Variants in NR5A2 observed in about 807,000 individuals in gnomAD.
NR5A2 encodes the protein CYP7A promoter-binding factor.
Under a neutral mutation model 62.7 loss-of-function variants are expected in NR5A2, and 26 were observed. The observed-to-expected ratio is 0.41, with a 90% confidence interval of 0.30 to 0.58. The LOEUF is 0.58. NR5A2 is among the 20% of genes least tolerant of loss of function. The pLI is 0.22. For missense variants in NR5A2, 541 were observed against 669.1 expected (o/e 0.81, Z 2.11); for synonymous variants, 246 against 241.7 (o/e 1.02, Z -0.16).
chr1:200,175,595 G>C lies in NR5A2; in HGVS notation c.*1385G>C, dbSNP rs1388197363. ...TGGATCAACATTTGTTTAAAATAAA[G>C]TATTAATACTTTAAAGTCAAATAAG... is the stretch of plus-strand genomic sequence containing the variant. On this transcript the variant is annotated 3_prime_UTR_variant, in exon 8 of 8. Coordinates refer to ENST00000367362, the MANE Select transcript of NR5A2 (RefSeq NM_205860.3). 1 of 152,640 alleles carries C rather than the reference G, an allele frequency of 6.6e-6. No individual in the cohort carries two copies. The highest frequency in any genetic ancestry group is 1.5e-5 in the Non-Finnish European group (1 of 68,038). 9.5% of individuals were successfully genotyped at this position (152,640 alleles called of 1,614,324 possible).
Position 200,039,580 on chromosome 1 carries a change from A to G in NR5A2, c.65-78A>G. The G allele has an allele frequency of 6.3e-7, 1 of 1,586,034 alleles. No individual in the cohort carries two copies. Among genetic ancestry groups the G allele is most frequent in the Non-Finnish European group, 8.6e-7 (1 of 1,164,284 alleles). On this transcript the variant is annotated intron_variant, in intron 1 of 7. Coordinates refer to ENST00000367362, the MANE Select transcript of NR5A2 (RefSeq NM_205860.3). This position sits in a 1 kb window ranked among gnomAD's most constrained non-coding sequence, Gnocchi z 5.1. ...GGCGGAGGCACGCTCCGGCGAGGCG[A>G]GAGGGTTGGGTTAGCAGGCATCCCG...
chr1:200,135,075 T>C lies in NR5A2; in HGVS notation c.1378+14120T>C, dbSNP rs182563358. ...CATTGAAAGTTTAGTGATTTTATAA[T>C]ACAAAATGTGACTGGACTCAGCATG... On this transcript the variant is annotated intron_variant, in intron 7 of 7. Coordinates refer to ENST00000367362, the MANE Select transcript of NR5A2 (RefSeq NM_205860.3). Among the ~76,000 whole-genome samples the C allele has an allele frequency of 2.4e-4, 36 of 152,336 alleles. No homozygotes were observed. In the East Asian group the frequency reaches 4.8e-3, roughly 20 times the overall value.
At chr1:200,066,588 CTT>C (rs756874909) in intron 5 of NR5A2, among the ~76,000 whole-genome samples, 17 of 113,104 alleles carry the variant, frequency 1.5e-4, no homozygotes, top group Admixed American at 4.6e-4. Context: ...AATTAATTAT[CTT>C]TTTTTTTTTT....
intron 4 of NR5A2, among the ~76,000 whole-genome samples, chr1:200,046,793 A>AT (rs1662386592): frequency 6.6e-6 from 1 of 152,198 alleles, no homozygotes; most frequent in Admixed American, 6.5e-5. Context: ...AAATGTTGTG[A>AT]TTTTGCATGA....
intron 5 of NR5A2, among the ~76,000 whole-genome samples, chr1:200,051,934 A>T (rs1202914309): frequency 6.6e-6 from 1 of 152,168 alleles, no homozygotes. Flanking sequence ...ACACACAGAG[A>T]TGCACAAACA....
chr1:200,034,887 A>G (rs944131355), intron 1 of NR5A2, among the ~76,000 whole-genome samples: 1 of 142,086 alleles, frequency 7.0e-6, no homozygotes, highest in African/African-American at 2.6e-5. Context: ...CTCCCTGGTA[A>G]TTCCTATGGC....
intron 7 of NR5A2, among the ~76,000 whole-genome samples, chr1:200,152,729 C>T (rs550495205): frequency 6.6e-6 from 1 of 151,804 alleles, no homozygotes; most frequent in East Asian, 1.9e-4. Context: ...TTTTCTATTT[C>T]GTTTTTCTAT....
At chr1:200,085,735 C>G (rs1664494360) in intron 5 of NR5A2, among the ~76,000 whole-genome samples, 1 of 151,150 alleles carries the variant, frequency 6.6e-6, no homozygotes, top group South Asian at 2.1e-4. Context: ...ATGTACAAAA[C>G]TGTGAATCCC....
intron 7 of NR5A2, among the ~76,000 whole-genome samples, chr1:200,160,261 A>G (rs1009662632): frequency 6.6e-6 from 1 of 152,248 alleles, no homozygotes; most frequent in African/African-American, 2.4e-5. Flanking sequence ...TTGTGTGAGT[A>G]GAAATATCTA....
intron 2 of NR5A2, among the ~76,000 whole-genome samples, chr1:200,040,242 C>G (rs780055326): frequency 6.6e-6 from 1 of 152,126 alleles, no homozygotes; most frequent in Non-Finnish European, 1.5e-5. Flanking sequence ...AAGAGGTGAC[C>G]TCCGAAAGGA....
Position 200,048,322 on chromosome 1 carries a change from C to G in NR5A2, c.614C>G (p.Ser205Cys). 1 of 1,614,214 alleles carries G rather than the reference C, an allele frequency of 6.2e-7. No individual in the cohort carries two copies. The highest frequency in any genetic ancestry group is 8.5e-7 in the Non-Finnish European group (1 of 1,180,036). The change falls in exon 5 of 8, where the codon TCT becomes TGT. Residue 205 changes from serine to cysteine, a missense_variant. Transcript: ENST00000367362. This position sits in a 1 kb window ranked among gnomAD's most constrained non-coding sequence, Gnocchi z 4.8. Reference protein sequence around the residue: ...AMSQVIQAMPSDLTISSAIQN... With the variant: ...AMSQVIQAMPCDLTISSAIQN... The stretch of plus-strand genomic sequence containing the variant: ...TCTCAGGTGATCCAAGCTATGCCCT[C>G]TGACCTGACCATTTCCTCTGCAATT...
chr1:200,149,908 T>A (rs1652980414), intron 7 of NR5A2, among the ~76,000 whole-genome samples: 1 of 152,218 alleles, frequency 6.6e-6, no homozygotes, highest in East Asian at 1.9e-4. Flanking sequence ...GATATTTGCT[T>A]GAATCCCCTA....
At chr1:200,073,279 T>C (rs1663832350) in intron 5 of NR5A2, among the ~76,000 whole-genome samples, 2 of 103,528 alleles carry the variant, frequency 1.9e-5, no homozygotes, top group East Asian at 5.4e-4. Context: ...TATATATATA[T>C]ATATATATAT....
chr1:200,136,759 A>C (rs888699962), intron 7 of NR5A2, among the ~76,000 whole-genome samples: 1 of 152,212 alleles, frequency 6.6e-6, no homozygotes, highest in African/African-American at 2.4e-5. Context: ...TCTAGATCCT[A>C]CTTGAAAGTA....
At chr1:200,077,961 CAG>C (rs943345463) in intron 5 of NR5A2, among the ~76,000 whole-genome samples, 2 of 152,040 alleles carry the variant, frequency 1.3e-5, no homozygotes, top group African/African-American at 4.8e-5. Context: ...ATGCATAAAA[CAG>C]AAATTTTGCA....
chr1:200,112,540 T>C lies in NR5A2; in HGVS notation c.1230+1219T>C, dbSNP rs1164112433. On this transcript the variant is annotated intron_variant, in intron 6 of 7. Transcript: ENST00000367362. ...TTGGAAATGAAGGGCTGTCTCCACA[T>C]CATTTGCTGTATTATTAATAAATCA... 2.6e-5 allele frequency among the ~76,000 whole-genome samples: 4 copies of C among 152,230 alleles called. No homozygotes were observed. The East Asian group carries it at 7.7e-4, about 29-fold the overall frequency.
At chr1:200,170,850 A>G (rs914703400) in intron 7 of NR5A2, among the ~76,000 whole-genome samples, 1 of 152,258 alleles carries the variant, frequency 6.6e-6, no homozygotes, top group East Asian at 1.9e-4. Context: ...GATCCATTAC[A>G]TATATGCCAA....
chr1:200,075,788 A>G (rs542948168), intron 5 of NR5A2, among the ~76,000 whole-genome samples: 57 of 152,326 alleles, frequency 3.7e-4, no homozygotes, highest in African/African-American at 1.3e-3. Flanking sequence ...TGTTCTAGTC[A>G]AGAGTCTTTA....
intron 7 of NR5A2, among the ~76,000 whole-genome samples, chr1:200,123,750 A>ATTTTT (rs11397949): frequency 1.9e-5 from 1 of 52,802 alleles, no homozygotes; most frequent in African/African-American, 5.7e-5. Context: ...TACTTATTTA[A>ATTTTT]TTTTTTTTTT....
Sources: gnomAD v4.1 joint callset for allele counts (sites outside exome capture counted in the v4.1 genomes callset) on GRCh38, gnomAD v4.1.1 for gene constraint, Gnocchi (gnomAD v3.1) non-coding constraint, MANE v1.5 for transcripts, NCBI Gene and HGNC (gene_info 2026-07-23, HGNC 2026-07-21) for gene names.